The following CADPS variants were observed in gnomAD, a reference collection of about 807,000 sequenced individuals.
The protein encoded by CADPS is calcium-dependent secretion activator 1.
In CADPS, 57 loss-of-function variants were observed where a neutral mutation model predicts 167.3. The ratio of observed to expected loss-of-function variants is 0.34; its 90% CI spans 0.28 to 0.42. The LOEUF is 0.42. Ranked by LOEUF, CADPS falls within the 20% of genes least tolerant of loss-of-function variation. The probability of loss-of-function intolerance (pLI) is 1.00; values close to 1 mark genes in which losing one functional copy is unlikely to be tolerated. For synonymous variants in CADPS, 676 were observed against 635.3 expected (o/e 1.06, Z -0.96); for missense variants, 1,414 against 1,738.1 (o/e 0.81, Z 3.32).
At position 62,399,483 on chromosome 3, in the gene CADPS, C is replaced by T; in HGVS notation, c.3985G>A (p.Ala1329Thr). The T allele has an allele frequency of 4.3e-6, 7 of 1,614,166 alleles. No homozygotes were observed. The highest frequency in any genetic ancestry group is 5.9e-6 in the Non-Finnish European group (7 of 1,179,996). Residue 1329 changes from alanine (A) to threonine (T), a missense_variant, in exon 30 of 30, where the codon GCA becomes ACA. This residue lies in a region of CADPS where 185 missense variants were observed against 251.5 expected (regional missense o/e 0.74). Transcript: ENST00000383710. This position sits in a 1 kb window ranked among gnomAD's most constrained non-coding sequence, Gnocchi z 5.6. ...AGTCCCCCACCTTCACTCACTGATG[C>T]TGTGGCTTCCTCCACAGTGAGACGG... ...RNRLTVEEATASVSEGGGLQG... is the reference protein window; with the variant it reads ...RNRLTVEEATTSVSEGGGLQG...
At chr3:62,870,047 G>T (rs2082335056) in intron 1 of CADPS, among the ~76,000 whole-genome samples, 1 of 152,128 alleles carries the variant, frequency 6.6e-6, no homozygotes, top group Non-Finnish European at 1.5e-5. Context: ...GGGGTGTAAT[G>T]AGGCAAGAAC....
At chr3:62,622,996 G>C (rs2063427312) in intron 6 of CADPS, among the ~76,000 whole-genome samples, 1 of 152,146 alleles carries the variant, frequency 6.6e-6, no homozygotes, top group Admixed American at 6.6e-5. Context: ...AACTAATAAA[G>C]AGGAATTGTA....
In CADPS at chr3:62,591,698, C is replaced by T. The variant is rs371154590; in HGVS notation, c.1437+939G>A. Among the ~76,000 whole-genome samples, 80 of 152,074 alleles carry T rather than the reference C, an allele frequency of 5.3e-4. 1 individual carries two copies. The highest frequency in any genetic ancestry group is 1.8e-3 in the African/African-American group (76 of 41,404). Reference sequence around the variant, plus strand: ...GCAGAGTCAATGGTTCAGATGCAAACAGAAATTTCACTATTATCTCTGTGG... The same window carrying T: ...GCAGAGTCAATGGTTCAGATGCAAATAGAAATTTCACTATTATCTCTGTGG... On this transcript the variant is annotated intron_variant, in intron 7 of 29. Coordinates refer to ENST00000383710, the MANE Select transcript of CADPS (RefSeq NM_003716.4).
At chr3:62,639,485 T>C (rs372236741) in intron 6 of CADPS, among the ~76,000 whole-genome samples, 17 of 152,212 alleles carry the variant, frequency 1.1e-4, no homozygotes, top group Middle Eastern at 3.4e-3. Context: ...TAGACCATGC[T>C]CAGGCGCTCA....
chr3:62,565,872 G>T (rs1007607208), intron 9 of CADPS, among the ~76,000 whole-genome samples: 7 of 152,154 alleles, frequency 4.6e-5, no homozygotes, highest in African/African-American at 1.7e-4. Context: ...TCTCAGTCAG[G>T]GAGAATTTTA....
intron 3 of CADPS, among the ~76,000 whole-genome samples, chr3:62,690,585 G>A (rs568730716): frequency 2.6e-5 from 4 of 151,832 alleles, no homozygotes; most frequent in Admixed American, 2.6e-4. Flanking sequence ...GTGTCCATGC[G>A]GCATGGTAGG....
At chr3:62,405,944 G>T (rs974601052) in intron 28 of CADPS, among the ~76,000 whole-genome samples, 1 of 152,182 alleles carries the variant, frequency 6.6e-6, no homozygotes, top group Admixed American at 6.5e-5. Context: ...AATGTTAGAG[G>T]TACAGGGGAT....
intron 1 of CADPS, among the ~76,000 whole-genome samples, chr3:62,789,341 C>T (rs2092735501): frequency 6.6e-6 from 1 of 152,178 alleles, no homozygotes; most frequent in Non-Finnish European, 1.5e-5. Context: ...TGGAGTAAGA[C>T]TCCAAGTTCC....
rs1164410742 is a variant in CADPS at position 62,478,619 on chromosome 3, A to G, written c.3174-203T>C. ...ATGACTTAGTGTGCTTTGCTCAGCC[A>G]ATTACCCCAGACCAGTGAGAAGTCT... On this transcript the variant is annotated intron_variant, in intron 22 of 29. Transcript: ENST00000383710. This position sits in a 1 kb window ranked among gnomAD's most constrained non-coding sequence, Gnocchi z 5.7. Among the ~76,000 whole-genome samples, 1 of 152,136 alleles carries G rather than the reference A, an allele frequency of 6.6e-6. No individual in the cohort carries two copies. Among genetic ancestry groups the G allele is most frequent in the African/African-American group, 2.4e-5 (1 of 41,424 alleles).
At chr3:62,851,857 T>C (rs2078665705) in intron 1 of CADPS, among the ~76,000 whole-genome samples, 1 of 151,802 alleles carries the variant, frequency 6.6e-6, no homozygotes, top group Admixed American at 6.6e-5. Context: ...CTGGATAACA[T>C]CCTGCAGAGT....
intron 28 of CADPS, among the ~76,000 whole-genome samples, chr3:62,422,673 T>C (rs2051703482): frequency 6.6e-6 from 1 of 152,198 alleles, no homozygotes; most frequent in Non-Finnish European, 1.5e-5. Context: ...GACCACGTAA[T>C]GATTTAGTTG....
chr3:62,479,682 C>T (rs2061733827), intron 22 of CADPS, among the ~76,000 whole-genome samples: 1 of 152,174 alleles, frequency 6.6e-6, no homozygotes, highest in Non-Finnish European at 1.5e-5. Context: ...GTATCTGACA[C>T]GATGGAGCAG....
intron 1 of CADPS, among the ~76,000 whole-genome samples, chr3:62,812,646 T>C (rs765819471): frequency 1.4e-4 from 21 of 152,300 alleles, no homozygotes; most frequent in Admixed American, 2.6e-4. Context: ...ACAGGCATTA[T>C]GCAAGTCACT....
chr3:62,462,522 C>T (rs1226937851), intron 26 of CADPS, among the ~76,000 whole-genome samples: 6 of 152,192 alleles, frequency 3.9e-5, no homozygotes, highest in Non-Finnish European at 8.8e-5. Context: ...GCATATTTGT[C>T]GATACTCGTC....
At position 62,438,271 on chromosome 3, in the gene CADPS, C is replaced by G; in HGVS notation, c.3670-60G>C. ...TCAGACAGCCACTCTTCCTTGTTTA[C>G]CATTCACTTGTACCCTCTACTTGCC... On this transcript the variant is annotated intron_variant, in intron 27 of 29. Coordinates refer to ENST00000383710, the MANE Select transcript of CADPS (RefSeq NM_003716.4). This position sits in a 1 kb window ranked among gnomAD's most constrained non-coding sequence, Gnocchi z 4.7. 7.9e-7 allele frequency: 1 copy of G among 1,259,758 alleles called. No individual in the cohort carries two copies. The highest frequency in any genetic ancestry group is 1.2e-6 in the Non-Finnish European group (1 of 861,544). 78.0% of individuals were successfully genotyped at this position (1,259,758 alleles called of 1,614,324 possible).
At chr3:62,858,249 G>C (rs955259569) in intron 1 of CADPS, among the ~76,000 whole-genome samples, 1 of 152,150 alleles carries the variant, frequency 6.6e-6, no homozygotes, top group African/African-American at 2.4e-5. Flanking sequence ...CCATAGTTCA[G>C]CAACTTCACT....
chr3:62,800,069 A>G (rs1280910823), intron 1 of CADPS, among the ~76,000 whole-genome samples: 1 of 152,078 alleles, frequency 6.6e-6, no homozygotes, highest in Non-Finnish European at 1.5e-5. Flanking sequence ...ATAGACCCAC[A>G]CTGTTTGTGG....
intron 3 of CADPS, among the ~76,000 whole-genome samples, chr3:62,698,731 CTTTTTTTTTTTT>C (rs201324385): frequency 1.0e-4 from 7 of 67,210 alleles, no homozygotes; most frequent in Non-Finnish European, 1.6e-4. Flanking sequence ...TCCCCACTTC[CTTTTTTTTTTTT>C]TTTTTTTTTT....
At chr3:62,873,237 AAAAC>A (rs1182617208) in intron 1 of CADPS, among the ~76,000 whole-genome samples, 12 of 152,234 alleles carry the variant, frequency 7.9e-5, no homozygotes, top group Non-Finnish European at 1.5e-4. Context: ...ACATGTAAGC[AAAAC>A]AAACAGAGAA....
Sources: allele counts gnomAD v4.1 joint callset (sites outside exome capture counted in the v4.1 genomes callset), GRCh38; gene constraint gnomAD v4.1.1; regional missense constraint gnomAD v4.1.1; non-coding constraint Gnocchi (gnomAD v3.1); transcripts MANE v1.5; gene names NCBI Gene and HGNC (gene_info 2026-07-23, HGNC 2026-07-21).